The following EXPH5 variants were observed in gnomAD, a reference collection of about 807,000 sequenced individuals.
EXPH5 encodes the protein exophilin-5.
In EXPH5, 42 loss-of-function variants were observed where a neutral mutation model predicts 41.1. The ratio of observed to expected loss-of-function variants is 1.02; its 90% confidence interval spans 0.80 to 1.32. The LOEUF (loss-of-function observed/expected upper bound fraction) is 1.32, where lower values mean the gene tolerates loss of function less well. Ranked by LOEUF, EXPH5 falls within the 40% of genes most tolerant of loss-of-function variation. The pLI is 0.00. For synonymous variants in EXPH5, 798 were observed against 833.5 expected, an observed-to-expected ratio of 0.96 and a Z score of 0.73; for missense variants, 2,298 against 2,314.5, an observed-to-expected ratio of 0.99 and a Z score of 0.15.
chr11:108,524,611 A>G (rs1280329098), intron 4 of EXPH5, among the ~76,000 whole-genome samples: 1 of 152,214 alleles, frequency 6.6e-6, no homozygotes, highest in Non-Finnish European at 1.5e-5. Flanking sequence ...ACCTGACTAG[A>G]CAAACAAACC....
intron 1 of EXPH5, among the ~76,000 whole-genome samples, chr11:108,542,032 C>T (rs2093915749): frequency 6.6e-6 from 1 of 152,062 alleles, no homozygotes; most frequent in African/African-American, 2.4e-5. Flanking sequence ...CGCATACCAC[C>T]ACACCCAGCT....
In EXPH5 at chr11:108,511,690, GT is replaced by G. The variant is rs2093682959; in HGVS notation, c.3816del (p.Gln1273LysfsTer7). 6.2e-7 allele frequency: 1 copy of G among 1,606,082 alleles called. No homozygotes were observed. Among genetic ancestry groups the G allele is most frequent in the African/African-American group, 1.3e-5 (1 of 74,334 alleles). ...KKFCNLLQQY[T>X]QNTNLLIESP... ...GATTCTATAAGTAAATTAGTATTTTGTGTATACTGTTGAAGGAGGTTACAGA... is the reference window on the plus strand; with the variant it reads ...GATTCTATAAGTAAATTAGTATTTTGGTATACTGTTGAAGGAGGTTACAGA... On this transcript the variant is annotated frameshift_variant, in exon 6 of 6. Coordinates refer to ENST00000265843, the MANE Select transcript of EXPH5 (RefSeq NM_015065.3). LOFTEE classifies it low-confidence loss of function (END_TRUNC).
chr11:108,511,458 A>T lies in EXPH5; in HGVS notation c.4049T>A (p.Val1350Asp). ...LAPTLQEMAS[V>D]EAAVSLPEEE... is the part of the protein sequence containing the mutation. Reference sequence around the variant, plus strand: ...TTCAGGAAGAGAAACAGCTGCCTCAACAGAAGCCATTTCCTGTAATGTAGG... The same window carrying T: ...TTCAGGAAGAGAAACAGCTGCCTCATCAGAAGCCATTTCCTGTAATGTAGG... The change falls in exon 6 of 6, where the codon GTT becomes GAT. Residue 1350 changes from valine to aspartate, a missense_variant. By Grantham distance (152) the Val-to-Asp change is radical (BLOSUM62 -3). Transcript: ENST00000265843. 1.9e-6 allele frequency: 3 copies of T among 1,581,744 alleles called. No individual in the cohort carries two copies. Among genetic ancestry groups the T allele is most frequent in the Non-Finnish European group, 2.6e-6 (3 of 1,169,092 alleles).
intron 1 of EXPH5, among the ~76,000 whole-genome samples, chr11:108,542,790 C>T (rs2093919540): frequency 6.6e-6 from 1 of 152,198 alleles, no homozygotes; most frequent in Non-Finnish European, 1.5e-5. Flanking sequence ...GTAATCTTGG[C>T]TCACTGCAAC....
At chr11:108,577,158 G>C (rs935117995) in intron 1 of EXPH5, among the ~76,000 whole-genome samples, 1 of 152,136 alleles carries the variant, frequency 6.6e-6, no homozygotes, top group African/African-American at 2.4e-5. Context: ...TGAACATGTA[G>C]GTTGATCTGT....
the EXPH5 span, among the ~76,000 whole-genome samples, chr11:108,603,414 TG>T: frequency 6.6e-6 from 1 of 152,254 alleles, no homozygotes. Flanking sequence ...ACACCAGTCA[TG>T]GTGGCTTGTA....
Position 108,512,482 on chromosome 11 carries a change from T to A in EXPH5, c.3025A>T (p.Asn1009Tyr). The A allele has an allele frequency of 6.2e-7, 1 of 1,614,018 alleles. No individual in the cohort carries two copies. ...GTGTCAAGTTCAGAAACTTTGGAAT[T>A]GCTTTGATTTGCTTCAATGAGGCTC... is the stretch of plus-strand genomic sequence containing the variant. Reference protein sequence around the residue: ...HRSLIEANQSNSKVSELDTIY... With the variant: ...HRSLIEANQSYSKVSELDTIY... The change falls in exon 6 of 6, where the codon AAT becomes TAT. Residue 1009 changes from asparagine to tyrosine, a missense_variant. Asn to Tyr is a moderately radical substitution (Grantham distance 143). Coordinates refer to ENST00000265843, the MANE Select transcript of EXPH5 (RefSeq NM_015065.3).
chr11:108,601,725 T>C, the EXPH5 span, among the ~76,000 whole-genome samples: 2 of 151,918 alleles, frequency 1.3e-5, no homozygotes, highest in African/African-American at 4.8e-5. Context: ...CCTTTCTTTT[T>C]TCTTTCTTTC....
At chr11:108,553,692 C>T (rs192888492) in intron 1 of EXPH5, among the ~76,000 whole-genome samples, 2 of 152,292 alleles carry the variant, frequency 1.3e-5, no homozygotes, top group Non-Finnish European at 2.9e-5. Flanking sequence ...TAGTCCCAGA[C>T]TCATGGTCGA....
In EXPH5 at chr11:108,512,860, C is replaced by G. The variant is rs774746550; in HGVS notation, c.2647G>C (p.Ala883Pro). 2 of 1,614,122 alleles carry G rather than the reference C, an allele frequency of 1.2e-6. No individual in the cohort carries two copies. Among genetic ancestry groups the G allele is most frequent in the Admixed American group, 3.3e-5 (2 of 60,024 alleles). ...SCDSLDLSSA[A>P]LPDSSPSKNS... ...TTTGATGGTGAGGAATCTGGTAGTG[C>G]AGCTGATGACAGATCTAAAGAATCA... is the stretch of plus-strand genomic sequence containing the variant. Residue 883 changes from alanine to proline, a missense_variant, in exon 6 of 6, where the codon GCA becomes CCA. By Grantham distance (27) the Ala-to-Pro change is conservative (BLOSUM62 -1). Transcript: ENST00000265843.
rs371315628 is a variant in EXPH5, at chr11:108,513,033, G to A, written c.2474C>T (p.Thr825Ile). ...EHRTPPSFPR[T>I]DQGCHQELTV... ...TAATTCCTGGTGACAACCTTGGTCT[G>A]TCCTGGGGAAAGATGGTGGTGTTCT... Residue 825 changes from threonine to isoleucine, a missense_variant, in exon 6 of 6, where the codon ACA becomes ATA. Thr to Ile is a moderately conservative substitution (Grantham distance 89, BLOSUM62 -1). Coordinates refer to ENST00000265843, the MANE Select transcript of EXPH5 (RefSeq NM_015065.3). The A allele has an allele frequency of 5.6e-6, 9 of 1,613,814 alleles. No homozygotes were observed. In the African/African-American group the frequency reaches 6.7e-5, roughly 12 times the overall value.
In EXPH5 at chr11:108,507,018, A is replaced by C. The variant is rs939083739; in HGVS notation, c.*2519T>G. On this transcript the variant is annotated 3_prime_UTR_variant, in exon 6 of 6. Transcript: ENST00000265843. ...AGAAAATAATAATAATAATAATAAT[A>C]ATCAGATAAATAGAAAAAGAGGAAA... The C allele has an allele frequency of 1.3e-5, 2 of 151,978 alleles. No individual in the cohort carries two copies. Among genetic ancestry groups the C allele is most frequent in the Non-Finnish European group, 2.9e-5 (2 of 67,998 alleles). 9.4% of individuals were successfully genotyped at this position (151,978 alleles called of 1,614,324 possible). A position where few individuals can be genotyped will look rare whatever the true frequency, so the allele number is the denominator to read the frequency against.
chr11:108,543,141 T>C (rs1023501229), intron 1 of EXPH5, among the ~76,000 whole-genome samples: 6 of 152,202 alleles, frequency 3.9e-5, no homozygotes, highest in African/African-American at 1.4e-4. Context: ...AGAAAAGCCA[T>C]GCAGCGCACA....
rs2093652501 is a variant in EXPH5 at position 108,507,837 on chromosome 11, T to G, written c.*1700A>C. ...ATATTTGGGACTAAAATGCCCCACC[T>G]GAAAAGAAGCGTTCTACCTTGCAAT... On this transcript the variant is annotated 3_prime_UTR_variant, in exon 6 of 6. Transcript: ENST00000265843. 1 of 151,720 alleles carries G rather than the reference T, an allele frequency of 6.6e-6. No individual in the cohort carries two copies. The highest frequency in any genetic ancestry group is 6.6e-5 in the Admixed American group (1 of 15,226). 9.4% of individuals were successfully genotyped at this position (151,720 alleles called of 1,614,324 possible).
intron 1 of EXPH5, among the ~76,000 whole-genome samples, chr11:108,563,445 G>C (rs898346470): frequency 4.6e-5 from 7 of 152,194 alleles, no homozygotes; most frequent in African/African-American, 1.7e-4. Flanking sequence ...GAATAAACCT[G>C]AGTAGAAAGA....
chr11:108,597,206 T>A (rs995849783), upstream of EXPH5, among the ~76,000 whole-genome samples: 4 of 152,208 alleles, frequency 2.6e-5, no homozygotes, highest in East Asian at 7.7e-4. Flanking sequence ...TTTTTATTTT[T>A]ATTTTTCTTG....
chr11:108,568,099 G>A (rs1177993097), intron 1 of EXPH5: 2 of 151,406 alleles, frequency 1.3e-5, no homozygotes, highest in Admixed American at 1.3e-4. Context: ...CCAAAGGGGA[G>A]GGTGCCGGTG....
At chr11:108,567,361 T>C (rs527720303) in intron 1 of EXPH5, among the ~76,000 whole-genome samples, 4 of 152,348 alleles carry the variant, frequency 2.6e-5, no homozygotes, top group African/African-American at 4.8e-5. Context: ...TAAGCCATAA[T>C]TGGGAGTCAT....
At chr11:108,539,524 G>C (rs540679680) in intron 2 of EXPH5, among the ~76,000 whole-genome samples, 50 of 152,224 alleles carry the variant, frequency 3.3e-4, no homozygotes, top group African/African-American at 1.1e-3. Context: ...TCCTTCAGAA[G>C]TTTTTATTTC....
Sources: allele counts gnomAD v4.1 joint callset (sites outside exome capture counted in the v4.1 genomes callset), GRCh38; gene constraint gnomAD v4.1.1; transcripts MANE v1.5; gene names NCBI Gene and HGNC (gene_info 2026-07-23, HGNC 2026-07-21).